Variants in NDEL1 observed in about 807,000 individuals in gnomAD.
NDEL1 encodes nuclear distribution protein nudE-like 1.
NDEL1 carries 9 observed loss-of-function variants against 45.7 expected under a neutral mutation model. The ratio of observed to expected loss-of-function variants is 0.20; its 90% CI spans 0.12 to 0.34. The LOEUF is 0.34. NDEL1 is among the 10% of genes least tolerant of loss of function. The probability of loss-of-function intolerance (pLI) is 1.00; values close to 1 mark genes in which losing one functional copy is unlikely to be tolerated. For missense variants in NDEL1, 306 were observed against 406.2 expected (o/e 0.75, Z 2.12); for synonymous variants, 133 against 158.6 (o/e 0.84, Z 1.21).
rs1276300759 is a variant in NDEL1 at position 8,445,878 on chromosome 17, T to C, written c.240+14T>C. On this transcript the variant is annotated intron_variant, in intron 3 of 8. Transcript: ENST00000334527. ...GAGGCATTAAAGGTAATTGCAGCAG[T>C]AGACGCTGGGGTCTAATGTGTTGAG... 6.0e-6 allele frequency: 9 copies of C among 1,493,826 alleles called. No homozygotes were observed. Among genetic ancestry groups the C allele is most frequent in the Non-Finnish European group, 8.0e-6 (9 of 1,123,524 alleles). 92.5% of individuals were successfully genotyped at this position (1,493,826 alleles called of 1,614,324 possible). A position where few individuals can be genotyped will look rare whatever the true frequency, so the allele number is the denominator to read the frequency against.
chr17:8,470,093 G>A (rs566916994), downstream of NDEL1, among the ~76,000 whole-genome samples: 2 of 152,048 alleles, frequency 1.3e-5, no homozygotes, highest in East Asian at 1.9e-4. The surrounding 1 kb of genome is among the most constrained non-coding windows in gnomAD (Gnocchi z 4.2). Context: ...CTCATCTCCC[G>A]CTTTCTGTTT....
upstream of NDEL1, among the ~76,000 whole-genome samples, chr17:8,432,654 G>A (rs1909047637): frequency 6.6e-6 from 1 of 151,960 alleles, no homozygotes; most frequent in Admixed American, 6.6e-5. Context: ...AAAGTGCTGG[G>A]ATTACAGGCA....
upstream of NDEL1, among the ~76,000 whole-genome samples, chr17:8,434,936 G>A (rs1036029456): frequency 6.6e-6 from 1 of 152,066 alleles, no homozygotes; most frequent in African/African-American, 2.4e-5. Context: ...CGGGCGTGGT[G>A]GCAGGCGCCT....
chr17:8,469,959 C>T (rs1273713150), downstream of NDEL1, among the ~76,000 whole-genome samples: 2 of 151,376 alleles, frequency 1.3e-5, no homozygotes, highest in Non-Finnish European at 2.9e-5. Flanking sequence ...CCACCCGCCT[C>T]GGCCTCCCAA....
upstream of NDEL1, among the ~76,000 whole-genome samples, chr17:8,433,004 T>C (rs1274050068): frequency 6.6e-6 from 1 of 152,174 alleles, no homozygotes; most frequent in Non-Finnish European, 1.5e-5. Context: ...TGGTTCACTT[T>C]GCTTTGACTG....
At position 8,445,693 on chromosome 17, in the gene NDEL1, C is replaced by A. The variant is rs1176586167; in HGVS notation, c.87-18C>A. Reference sequence around the variant, plus strand: ...GGTTCTTAGTGTAACTCGTCTTTCCCACTTTGTTTCTGATTAGCTTCCAGG... The same window carrying A: ...GGTTCTTAGTGTAACTCGTCTTTCCAACTTTGTTTCTGATTAGCTTCCAGG... On this transcript the variant is annotated intron_variant, in intron 2 of 8. Coordinates refer to ENST00000334527, the MANE Select transcript of NDEL1 (RefSeq NM_030808.5). 3 of 1,584,792 alleles carry A rather than the reference C, an allele frequency of 1.9e-6. No individual in the cohort carries two copies. The Admixed American group carries it at 5.7e-5, about 30-fold the overall frequency.
In NDEL1 at chr17:8,473,299, G is replaced by A. The variant is rs562533934; in HGVS notation, c.417+13139G>A. Among the ~76,000 whole-genome samples, 36 of 152,074 alleles carry A rather than the reference G, an allele frequency of 2.4e-4. No homozygotes were observed. The East Asian group carries it at 6.4e-3, about 27-fold the overall frequency. ...CCTCCCAGGTTCAAGTGATTTTCAT[G>A]CCTCAGCCCCCCAAGTAGCTGGGAC... On this transcript the variant is annotated intron_variant, in intron 3 of 3. Transcript: ENST00000581679.
At chr17:8,417,555 G>A (rs899346480) in intron 1 of NDEL1, among the ~76,000 whole-genome samples, 10 of 152,202 alleles carry the variant, frequency 6.6e-5, no homozygotes, top group African/African-American at 1.7e-4. Flanking sequence ...GTGTCTGTGC[G>A]TGTGTCTGTA....
intron 1 of NDEL1, among the ~76,000 whole-genome samples, chr17:8,429,833 A>G (rs1908957500): frequency 6.6e-6 from 1 of 152,168 alleles, no homozygotes; most frequent in South Asian, 2.1e-4. Flanking sequence ...AGATTTTAGA[A>G]AGATTATTCT....
At chr17:8,444,016 A>T (rs1241102664) in intron 1 of NDEL1, 1 of 328,594 alleles carries the variant, frequency 3.0e-6, no homozygotes, top group Admixed American at 4.9e-5. Context: ...GCTGCAACCA[A>T]AAGTGCCTCC....
intron 7 of NDEL1, among the ~76,000 whole-genome samples, chr17:8,458,653 CT>C (rs1397580463): frequency 6.6e-6 from 1 of 151,812 alleles, no homozygotes; most frequent in East Asian, 1.9e-4. Context: ...TTCCTTTTTT[CT>C]GTTGTCATTT....
chr17:8,435,737 G>T, upstream of NDEL1: 1 of 337,414 alleles, frequency 3.0e-6, no homozygotes, highest in South Asian at 2.1e-5. Context: ...GCAAGAGGAC[G>T]CCGTCAGCTT....
rs1387334397 is a variant in NDEL1 at position 8,448,777 on chromosome 17, C to G, written c.526+91C>G. 13 of 1,259,150 alleles carry G rather than the reference C, an allele frequency of 1.0e-5. No homozygotes were observed. In the South Asian group the frequency reaches 1.8e-4, roughly 18 times the overall value. 78.0% of individuals were successfully genotyped at this position (1,259,150 alleles called of 1,614,324 possible). On this transcript the variant is annotated intron_variant, in intron 5 of 8. Transcript: ENST00000334527. ...CACTTATACTCTGATTTTTTTTCAACCAAATGTGGATTGAAAATACAGTAT... is the reference window on the plus strand; with the variant it reads ...CACTTATACTCTGATTTTTTTTCAAGCAAATGTGGATTGAAAATACAGTAT...
intron 5 of NDEL1, among the ~76,000 whole-genome samples, chr17:8,450,378 G>A (rs1421153813): frequency 1.3e-5 from 2 of 151,700 alleles, no homozygotes; most frequent in Non-Finnish European, 2.9e-5. Context: ...ATATTTCATA[G>A]TGATAATAGT....
chr17:8,419,463 C>A (rs1467175443), intron 1 of NDEL1, among the ~76,000 whole-genome samples: 2 of 152,214 alleles, frequency 1.3e-5, no homozygotes, highest in East Asian at 3.9e-4. Context: ...CTTATGAAAT[C>A]ATAATTTGTT....
chr17:8,451,888 T>C (rs2220870), intron 6 of NDEL1, among the ~76,000 whole-genome samples: 146,171 of 152,222 alleles, frequency 0.96, 70,467 homozygotes, highest in East Asian at 1. Flanking sequence ...TCTCTGTCTG[T>C]GCTACTCAAT....
chr17:8,449,228 G>T (rs559934156), intron 5 of NDEL1, among the ~76,000 whole-genome samples: 1 of 152,152 alleles, frequency 6.6e-6, no homozygotes, highest in Admixed American at 6.5e-5. Context: ...TGATCCGGCC[G>T]CCTTGGCCTC....
chr17:8,457,975 C>G (rs1056190947), intron 7 of NDEL1, among the ~76,000 whole-genome samples: 1 of 152,254 alleles, frequency 6.6e-6, no homozygotes, highest in Middle Eastern at 3.4e-3. Flanking sequence ...GTACATATTA[C>G]ATACTTTAAA....
intron 1 of NDEL1, among the ~76,000 whole-genome samples, chr17:8,421,665 G>C (rs920072362): frequency 6.6e-6 from 1 of 152,176 alleles, no homozygotes; most frequent in African/African-American, 2.4e-5. Context: ...CCAGGCTTGT[G>C]GTAATTATAG....
Sources: allele counts gnomAD v4.1 joint callset (sites outside exome capture counted in the v4.1 genomes callset), GRCh38; gene constraint gnomAD v4.1.1; non-coding constraint Gnocchi (gnomAD v3.1); transcripts MANE v1.5; gene names NCBI Gene and HGNC (gene_info 2026-07-23, HGNC 2026-07-21).